NRXN1: variants seen among roughly 807,000 people sequenced by gnomAD.
The protein encoded by NRXN1 is neurexin-1.
Under a neutral mutation model 150.9 loss-of-function variants are expected in NRXN1, and 39 were observed. The ratio of observed to expected loss-of-function variants is 0.26; its 90% CI spans 0.20 to 0.34. The LOEUF is 0.34. Among genes scored for constraint, NRXN1 ranks in the 10% least tolerant of loss-of-function variants. The pLI is 1.00. For synonymous variants in NRXN1, 924 were observed against 757.0 expected, an observed-to-expected ratio of 1.22 and a Z score of -3.62; for missense variants, 1,815 against 1,949.9, an observed-to-expected ratio of 0.93 and a Z score of 1.30.
intron 17 of NRXN1, among the ~76,000 whole-genome samples, chr2:50,431,364 T>C (rs1017477854): frequency 5.9e-5 from 9 of 152,120 alleles, no homozygotes; most frequent in African/African-American, 1.9e-4. Flanking sequence ...CTTTAAAAAC[T>C]CCCTTGGTTC....
At chr2:50,494,029 AC>A (rs924059634) in intron 15 of NRXN1, among the ~76,000 whole-genome samples, 1 of 152,150 alleles carries the variant, frequency 6.6e-6, no homozygotes, top group African/African-American at 2.4e-5. Flanking sequence ...GTGTGTAAGT[AC>A]CCCCACCAGA....
At chr2:50,389,691 G>A (rs1572792537) in intron 17 of NRXN1, among the ~76,000 whole-genome samples, 1 of 152,104 alleles carries the variant, frequency 6.6e-6, no homozygotes, top group Non-Finnish European at 1.5e-5. Context: ...TTAATAAATT[G>A]CTATTTTTTA....
At chr2:50,535,993 G>A (rs1430635738) in intron 10 of NRXN1, among the ~76,000 whole-genome samples, 2 of 152,106 alleles carry the variant, frequency 1.3e-5, no homozygotes, top group Non-Finnish European at 2.9e-5. Context: ...ACTCTTATTT[G>A]ATCAACAACA....
intron 8 of NRXN1, among the ~76,000 whole-genome samples, chr2:50,569,337 T>C (rs1169199559): frequency 6.6e-6 from 1 of 152,122 alleles, no homozygotes; most frequent in Non-Finnish European, 1.5e-5. Context: ...CTTGAGGTGA[T>C]GTATACCCCA....
intron 17 of NRXN1, among the ~76,000 whole-genome samples, chr2:50,256,794 C>G (rs1427591235): frequency 6.6e-6 from 1 of 152,044 alleles, no homozygotes; most frequent in Non-Finnish European, 1.5e-5. Flanking sequence ...TATTCTAGTT[C>G]AGATCCTGAA....
chr2:50,725,075 T>C (rs1178363536), intron 5 of NRXN1, among the ~76,000 whole-genome samples: 1 of 152,168 alleles, frequency 6.6e-6, no homozygotes, highest in East Asian at 1.9e-4. Flanking sequence ...GATTTGCACA[T>C]TCAGATTTAG....
chr2:49,927,775 G>GC (rs1173192779), intron 22 of NRXN1, among the ~76,000 whole-genome samples: 1 of 152,124 alleles, frequency 6.6e-6, no homozygotes, highest in Non-Finnish European at 1.5e-5. Context: ...CAAGGCATTA[G>GC]CATGCCATCA....
At chr2:50,737,368 CT>C (rs1698894242) in intron 5 of NRXN1, among the ~76,000 whole-genome samples, 1 of 152,114 alleles carries the variant, frequency 6.6e-6, no homozygotes, top group African/African-American at 2.4e-5. Flanking sequence ...ATATAGAACT[CT>C]TATGGTACTG....
At chr2:50,631,662 C>T (rs1235079435) in intron 5 of NRXN1, among the ~76,000 whole-genome samples, 5 of 151,918 alleles carry the variant, frequency 3.3e-5, no homozygotes, top group Admixed American at 6.6e-5. Flanking sequence ...CGATAATTTT[C>T]CAATCTTATT....
intron 21 of NRXN1, among the ~76,000 whole-genome samples, chr2:49,995,343 T>C (rs906310698): frequency 9.9e-5 from 15 of 152,190 alleles, no homozygotes; most frequent in African/African-American, 3.6e-4. Context: ...TCATGTGTAA[T>C]TATAGGGGTG....
intron 18 of NRXN1, among the ~76,000 whole-genome samples, chr2:50,155,732 C>T (rs539331381): frequency 5.9e-5 from 9 of 151,452 alleles, no homozygotes; most frequent in East Asian, 3.9e-4. Flanking sequence ...CAGTGAAAAA[C>T]GGAAACCTCT....
intron 8 of NRXN1, among the ~76,000 whole-genome samples, chr2:50,558,864 C>T (rs1668628576): frequency 2.0e-5 from 3 of 152,030 alleles, no homozygotes; most frequent in African/African-American, 7.2e-5. Flanking sequence ...ATCACGAGGT[C>T]AGGAGATCGA....
At chr2:50,969,702 A>T (rs1023306989) in intron 2 of NRXN1, among the ~76,000 whole-genome samples, 2 of 152,222 alleles carry the variant, frequency 1.3e-5, no homozygotes, top group African/African-American at 4.8e-5. Flanking sequence ...TCTTTAATCT[A>T]TTAATTCTAT....
At chr2:50,263,219 C>G (rs951551657) in intron 17 of NRXN1, among the ~76,000 whole-genome samples, 2 of 151,320 alleles carry the variant, frequency 1.3e-5, no homozygotes, top group Non-Finnish European at 3.0e-5. Context: ...ATGACCTGTT[C>G]AGTGTCATAA....
At chr2:50,249,522 T>G (rs2066838925) in intron 17 of NRXN1, among the ~76,000 whole-genome samples, 1 of 152,140 alleles carries the variant, frequency 6.6e-6, no homozygotes, top group South Asian at 2.1e-4. Flanking sequence ...ATTAAGCATT[T>G]ACTATGTATA....
intron 2 of NRXN1, among the ~76,000 whole-genome samples, chr2:50,932,519 C>A (rs1275295485): frequency 6.6e-6 from 1 of 151,910 alleles, no homozygotes; most frequent in African/African-American, 2.4e-5. Flanking sequence ...TTCCCACTTA[C>A]AAGTGGGAAC....
chr2:50,839,058 T>A (rs531483584), intron 5 of NRXN1, among the ~76,000 whole-genome samples: 4 of 152,268 alleles, frequency 2.6e-5, no homozygotes, highest in African/African-American at 4.8e-5. Flanking sequence ...TCATTTCCCC[T>A]TGGAGAACTG....
At chr2:50,364,807 G>T (rs1197523344) in intron 17 of NRXN1, among the ~76,000 whole-genome samples, 2 of 151,960 alleles carry the variant, frequency 1.3e-5, no homozygotes, top group East Asian at 1.9e-4. Context: ...CTACTTGAGG[G>T]ATTAGATAGT....
intron 17 of NRXN1, among the ~76,000 whole-genome samples, chr2:50,371,516 T>C (rs1300493054): frequency 6.6e-6 from 1 of 152,074 alleles, no homozygotes; most frequent in Non-Finnish European, 1.5e-5. Flanking sequence ...ACCTTAATTA[T>C]GGGGATTATG....
Sources: gnomAD v4.1 joint callset for allele counts (sites outside exome capture counted in the v4.1 genomes callset) on GRCh38, gnomAD v4.1.1 for gene constraint, MANE v1.5 for transcripts, NCBI Gene and HGNC (gene_info 2026-07-23, HGNC 2026-07-21) for gene names.